The following LAMA3 variants were observed in gnomAD, a reference collection of about 807,000 sequenced individuals.
LAMA3 encodes the protein laminin subunit alpha 3.
In LAMA3, 281 loss-of-function variants were observed where a neutral mutation model predicts 402.0. The ratio of observed to expected loss-of-function variants is 0.70; its 90% confidence interval spans 0.63 to 0.77. The LOEUF is 0.77. Ranked by LOEUF, LAMA3 falls within the 30% of genes least tolerant of loss-of-function variation. The pLI, the probability that LAMA3 is intolerant of heterozygous loss-of-function variation, is 0.00. For synonymous variants in LAMA3, 1,431 were observed against 1,558.4 expected (o/e 0.92, Z 1.93); for missense variants, 3,840 against 4,215.5 (o/e 0.91, Z 2.47).
intron 3 of LAMA3, among the ~76,000 whole-genome samples, chr18:23,748,595 G>C (rs2143537561): frequency 6.6e-6 from 1 of 151,906 alleles, no homozygotes; most frequent in East Asian, 2.0e-4. Context: ...AGGAGTTTGA[G>C]ACCAGCCTGG....
At chr18:23,781,853 G>A (rs1339431618) in intron 11 of LAMA3, among the ~76,000 whole-genome samples, 1 of 152,168 alleles carries the variant, frequency 6.6e-6, no homozygotes. Flanking sequence ...GCCTTTGCTG[G>A]AAACAGTCAG....
chr18:23,853,430 C>T (rs1266679304), intron 32 of LAMA3, among the ~76,000 whole-genome samples: 1 of 152,148 alleles, frequency 6.6e-6, no homozygotes, highest in Admixed American at 6.6e-5. Flanking sequence ...TGCACCACCA[C>T]ACCCGGCTAA....
At chr18:23,725,834 A>C (rs1377199822) in intron 2 of LAMA3, among the ~76,000 whole-genome samples, 1 of 152,202 alleles carries the variant, frequency 6.6e-6, no homozygotes, top group African/African-American at 2.4e-5. Context: ...CAAACTTCTG[A>C]GCTGTTGCAC....
chr18:23,932,292 G>C lies in LAMA3; in HGVS notation c.8708+1G>C, dbSNP rs754558574. ...GTATTAGCAATGTTTTTGTCCAGAGGTAGGTGATCCTCTCTTTGTGGGTAA... is the reference window on the plus strand; with the variant it reads ...GTATTAGCAATGTTTTTGTCCAGAGCTAGGTGATCCTCTCTTTGTGGGTAA... On this transcript the variant is annotated splice_donor_variant, in intron 66 of 74. Coordinates refer to ENST00000313654, the MANE Select transcript of LAMA3 (RefSeq NM_198129.4). LOFTEE classifies it high-confidence loss of function. The C allele has an allele frequency of 6.2e-7, 1 of 1,613,738 alleles. No homozygotes were observed. The highest frequency in any genetic ancestry group is 2.2e-5 in the East Asian group (1 of 44,890).
At chr18:23,890,277 C>G (rs1417603951) in intron 42 of LAMA3, among the ~76,000 whole-genome samples, 160 bp downstream of exon 42, 1 of 152,218 alleles carries the variant, frequency 6.6e-6, no homozygotes, top group Non-Finnish European at 1.5e-5. Context: ...AGCAAGCTGT[C>G]CCCTTGTTTT....
chr18:23,945,892 C>T (rs2082691343), intron 69 of LAMA3, among the ~76,000 whole-genome samples: 1 of 152,020 alleles, frequency 6.6e-6, no homozygotes, highest in Non-Finnish European at 1.5e-5. Flanking sequence ...TCTATAATCT[C>T]TTTTGATTAG....
intron 48 of LAMA3, 91 bp downstream of exon 48, chr18:23,901,414 C>T: frequency 1.9e-6 from 2 of 1,053,360 alleles, no homozygotes; most frequent in East Asian, 2.5e-5. Flanking sequence ...TAGCCAGGCA[C>T]CTGTCTGTAC....
At chr18:23,704,963 G>A (rs1477484807) in intron 1 of LAMA3, among the ~76,000 whole-genome samples, 1 of 152,120 alleles carries the variant, frequency 6.6e-6, no homozygotes, top group Non-Finnish European at 1.5e-5. Context: ...TTATTCTCTG[G>A]AGACTGCCAA....
Position 23,822,384 on chromosome 18 carries a change from C to A in LAMA3, c.2428+9C>A. The A allele has an allele frequency of 6.2e-7, 1 of 1,612,554 alleles. No homozygotes were observed. The highest frequency in any genetic ancestry group is 8.5e-7 in the Non-Finnish European group (1 of 1,178,812). ...TATTTATCCATCCTGGGGTAAGGCACGTAGGTAAAATGTCAAGCCTCTTTT... is the reference window on the plus strand; with the variant it reads ...TATTTATCCATCCTGGGGTAAGGCAAGTAGGTAAAATGTCAAGCCTCTTTT... On this transcript the variant is annotated intron_variant, in intron 20 of 74. Coordinates refer to ENST00000313654, the MANE Select transcript of LAMA3 (RefSeq NM_198129.4).
intron 69 of LAMA3, among the ~76,000 whole-genome samples, chr18:23,944,862 C>A (rs1425170758): frequency 1.3e-5 from 2 of 152,200 alleles, no homozygotes; most frequent in Non-Finnish European, 2.9e-5. Context: ...TGGCCAGGCG[C>A]GGTGGCTCAT....
chr18:23,749,439 G>A lies in LAMA3; in HGVS notation c.577G>A (p.Asp193Asn). Residue 193 changes from aspartate (D) to asparagine (N), a missense_variant, in exon 4 of 75, where the codon GAC becomes AAC. Coordinates refer to ENST00000313654, the MANE Select transcript of LAMA3 (RefSeq NM_198129.4). ...TATTTTCCTTCTAGATTCTAAAGTA[G>A]ACTGTTTAAAAGAATTTGGGCGGGA... ...PWQYFAHSKV[D>N]CLKEFGREAN... The A allele has an allele frequency of 6.4e-7, 1 of 1,573,888 alleles. No homozygotes were observed. Among genetic ancestry groups the A allele is most frequent in the Non-Finnish European group, 8.7e-7 (1 of 1,144,504 alleles).
chr18:23,941,332 C>G (rs1443614419), intron 68 of LAMA3, among the ~76,000 whole-genome samples: 25 of 141,384 alleles, frequency 1.8e-4, no homozygotes, highest in Middle Eastern at 3.6e-3. Flanking sequence ...TGGCGCCCCC[C>G]CCCCGCCCGG....
intron 21 of LAMA3, 45 bp downstream of exon 21, chr18:23,824,610 A>G (rs1380000079): frequency 6.2e-7 from 1 of 1,604,556 alleles, no homozygotes. Flanking sequence ...GATTCTTCCT[A>G]CCTCAGAAGT....
chr18:23,880,492 A>G (rs2064860234), intron 39 of LAMA3, among the ~76,000 whole-genome samples: 1 of 152,234 alleles, frequency 6.6e-6, no homozygotes, highest in South Asian at 2.1e-4. Flanking sequence ...TTTATGATGG[A>G]AGGGCAACCT....
rs540060546 is a variant in LAMA3, at chr18:23,758,335, G to A, written c.948-61G>A. 228 of 1,247,716 alleles carry A rather than the reference G, an allele frequency of 1.8e-4. 1 individual carries two copies. In the South Asian group the frequency reaches 2.8e-3, roughly 15 times the overall value. 77.3% of individuals were successfully genotyped at this position (1,247,716 alleles called of 1,614,324 possible). A position where few individuals can be genotyped will look rare whatever the true frequency, so the allele number is the denominator to read the frequency against. ...CTCGTGTGTCAGGTTCGCACTATAG[G>A]ATCAACTGATCCTCATCAAAACTTT... On this transcript the variant is annotated intron_variant, in intron 6 of 74. Transcript: ENST00000313654.
chr18:23,889,025 A>T (rs1356234062), intron 41 of LAMA3, among the ~76,000 whole-genome samples: 3 of 152,176 alleles, frequency 2.0e-5, no homozygotes, highest in Non-Finnish European at 2.9e-5. Flanking sequence ...TACTATCTAG[A>T]ATAAAAAAGG....
chr18:23,897,821 C>T (rs763015378), intron 44 of LAMA3, among the ~76,000 whole-genome samples: 28 of 152,140 alleles, frequency 1.8e-4, no homozygotes, highest in Non-Finnish European at 1.5e-4. Context: ...TTTTTGAATG[C>T]TCATATGTAC....
At chr18:23,729,025 C>T (rs1478448835) in intron 2 of LAMA3, among the ~76,000 whole-genome samples, 4 of 73,998 alleles carry the variant, frequency 5.4e-5, no homozygotes, top group Non-Finnish European at 5.0e-5. Flanking sequence ...AGCAAGACTC[C>T]GTCTCAAAAA....
At chr18:23,693,945 C>G (rs1206048428) in intron 1 of LAMA3, among the ~76,000 whole-genome samples, 1 of 152,156 alleles carries the variant, frequency 6.6e-6, no homozygotes, top group East Asian at 1.9e-4. Flanking sequence ...CCTGGCCAAG[C>G]GGGTGAGTAG....
Sources: allele counts gnomAD v4.1 joint callset (sites outside exome capture counted in the v4.1 genomes callset), GRCh38; gene constraint gnomAD v4.1.1; transcripts MANE v1.5; gene names NCBI Gene and HGNC (gene_info 2026-07-23, HGNC 2026-07-21).